The following TLR6 variants were observed in gnomAD, a reference collection of about 807,000 sequenced individuals.
TLR6 encodes the protein toll like receptor 6, also known as toll-like receptor 6.
In TLR6, 9 loss-of-function variants were observed where a neutral mutation model predicts 16.1. That is an observed-to-expected ratio of 0.56 (90% CI 0.34 to 0.98). TLR6 has a LOEUF of 0.98. Ranked by LOEUF, TLR6 falls within the 50% of genes least tolerant of loss-of-function variation. TLR6 has a pLI of 0.02. For synonymous variants in TLR6, 340 were observed against 338.6 expected, an observed-to-expected ratio of 1.00 and a Z score of -0.04; for missense variants, 786 against 921.0, an observed-to-expected ratio of 0.85 and a Z score of 1.90.
At chr4:38,850,834 T>C (rs1395853391) in intron 1 of TLR6, among the ~76,000 whole-genome samples, 2 of 152,196 alleles carry the variant, frequency 1.3e-5, no homozygotes, top group Admixed American at 6.5e-5. Flanking sequence ...CTTCTGAAAC[T>C]ATTCCAATCA....
At chr4:38,827,568 G>A in exon 2 of TLR6, 1 of 1,614,194 alleles carries the variant, frequency 6.2e-7, no homozygotes, top group Non-Finnish European at 8.5e-7. Context: ...TTTCTTTGGA[G>A]TTCTTCTAAG....
the TLR6 span, among the ~76,000 whole-genome samples, chr4:38,864,756 A>G: frequency 6.6e-6 from 1 of 152,236 alleles, no homozygotes; most frequent in Non-Finnish European, 1.5e-5. Flanking sequence ...TCACACCTGT[A>G]GTCCCAGTAC....
chr4:38,863,315 C>G, the TLR6 span, among the ~76,000 whole-genome samples: 466 of 152,306 alleles, frequency 3.1e-3, 4 homozygotes, highest in African/African-American at 0.011. Context: ...CAGTCTCCTT[C>G]TGGGTCCTCT....
At position 38,826,434 on chromosome 4, in the gene TLR6, G is replaced by A. The variant is rs574702852; in HGVS notation, c.*649C>T. 2.0e-5 allele frequency: 3 copies of A among 152,198 alleles called. No individual in the cohort carries two copies. The East Asian group carries it at 5.8e-4, about 29-fold the overall frequency. 9.4% of individuals were successfully genotyped at this position (152,198 alleles called of 1,614,324 possible). ...TCAATATCCAGCTGCAAATAAATTT[G>A]GCCGAGTTTTCTTGGAAAGCAGGTG... On this transcript the variant is annotated 3_prime_UTR_variant, in exon 2 of 2. Coordinates refer to ENST00000436693, the Ensembl canonical transcript of TLR6.
intron 1 of TLR6, among the ~76,000 whole-genome samples, chr4:38,849,769 C>T (rs1207202922): frequency 2.0e-5 from 3 of 151,556 alleles, no homozygotes; most frequent in Non-Finnish European, 4.4e-5. Flanking sequence ...GAGACTTAGA[C>T]TCCCACACAA....
chr4:38,830,726 A>C (rs1463473532), intron 1 of TLR6, among the ~76,000 whole-genome samples: 1 of 152,138 alleles, frequency 6.6e-6, no homozygotes, highest in Admixed American at 6.5e-5. Context: ...AAATAAATAA[A>C]TAAATAAATA....
exon 2 of TLR6, chr4:38,827,099 T>G (rs1180898696): frequency 1.3e-5 from 21 of 1,584,514 alleles, no homozygotes; most frequent in Non-Finnish European, 1.8e-5. Context: ...TTTCACATCA[T>G]TGTTTTCAGT....
chr4:38,828,262 A>G, exon 2 of TLR6: 2 of 1,613,620 alleles, frequency 1.2e-6, no homozygotes, highest in Non-Finnish European at 1.7e-6. Context: ...GTATTTCCAA[A>G]GAAGGCATAT....
intron 1 of TLR6, among the ~76,000 whole-genome samples, chr4:38,847,011 T>C (rs1207857117): frequency 1.3e-5 from 2 of 152,164 alleles, no homozygotes. Flanking sequence ...AGAAAAAATA[T>C]AATGAGTAAT....
At chr4:38,833,927 T>C (rs1297863405) in intron 1 of TLR6, among the ~76,000 whole-genome samples, 8 of 152,050 alleles carry the variant, frequency 5.3e-5, no homozygotes, top group African/African-American at 1.9e-4. Context: ...ATCAAGAGCT[T>C]GTACAAACAA....
intron 1 of TLR6, among the ~76,000 whole-genome samples, chr4:38,831,387 T>C (rs950640674): frequency 1.3e-5 from 2 of 151,984 alleles, no homozygotes; most frequent in African/African-American, 4.8e-5. Context: ...GACCTAAATG[T>C]ATAATGCAAA....
At chr4:38,851,822 T>A (rs1712785887) in intron 1 of TLR6, among the ~76,000 whole-genome samples, 2 of 152,152 alleles carry the variant, frequency 1.3e-5, no homozygotes. Context: ...ATTTATAGAT[T>A]CAATGCCATC....
chr4:38,850,380 A>T (rs1712717272), intron 1 of TLR6, among the ~76,000 whole-genome samples: 1 of 152,252 alleles, frequency 6.6e-6, no homozygotes, highest in Admixed American at 6.5e-5. Flanking sequence ...AACTAAGATC[A>T]GAGCAGAACT....
chr4:38,852,584 A>G (rs1369542756), intron 1 of TLR6, among the ~76,000 whole-genome samples: 2 of 152,204 alleles, frequency 1.3e-5, no homozygotes, highest in African/African-American at 4.8e-5. Context: ...ATGAACAGAC[A>G]CTTCTCAAAA....
the TLR6 span, among the ~76,000 whole-genome samples, chr4:38,864,149 T>C: frequency 1.3e-5 from 2 of 152,200 alleles, no homozygotes; most frequent in South Asian, 2.1e-4. Flanking sequence ...CCACAGTTGG[T>C]CCTACCCATC....
At chr4:38,857,802 C>T (rs187435090), upstream of TLR6, among the ~76,000 whole-genome samples, 6 of 152,344 alleles carry the variant, frequency 3.9e-5, no homozygotes, top group Admixed American at 2.0e-4. Context: ...AACAGGAAGT[C>T]TCCTCAGGCC....
intron 1 of TLR6, among the ~76,000 whole-genome samples, chr4:38,835,841 A>G (rs569802425): frequency 1.3e-5 from 2 of 152,230 alleles, no homozygotes; most frequent in Admixed American, 6.5e-5. Context: ...GTATAAATAC[A>G]TGGAAATTAA....
upstream of TLR6, among the ~76,000 whole-genome samples, chr4:38,859,565 C>CT (rs372944785): frequency 0.16 from 19,362 of 121,888 alleles, 2,271 homozygotes; most frequent in Middle Eastern, 0.39. Context: ...GATTATTGGC[C>CT]TTTTTTTTTT....
At chr4:38,835,528 C>A (rs1233017776) in intron 1 of TLR6, among the ~76,000 whole-genome samples, 5 of 152,130 alleles carry the variant, frequency 3.3e-5, no homozygotes, top group Admixed American at 6.5e-5. Context: ...TGGTTGGGAA[C>A]TTCAACATCC....
Sources: gnomAD v4.1 joint callset for allele counts (sites outside exome capture counted in the v4.1 genomes callset) on GRCh38, gnomAD v4.1.1 for gene constraint, MANE v1.5 for transcripts, NCBI Gene and HGNC (gene_info 2026-07-23, HGNC 2026-07-21) for gene names.